Variants in TMTC1 observed in about 807,000 individuals in gnomAD.
TMTC1 encodes the protein transmembrane O-mannosyltransferase targeting cadherins 1, also known as protein O-mannosyl-transferase TMTC1.
TMTC1 carries 73 observed loss-of-function variants against 104.8 expected under a neutral mutation model. That is an observed-to-expected ratio of 0.70 (90% confidence interval 0.58 to 0.85). TMTC1 has a LOEUF of 0.85. TMTC1 is among the 40% of genes least tolerant of loss of function. TMTC1 has a pLI of 0.00. For missense variants in TMTC1, 1,035 were observed against 1,096.1 expected (o/e 0.94, Z 0.79); for synonymous variants, 434 against 428.7 (o/e 1.01, Z -0.15).
intron 7 of TMTC1, among the ~76,000 whole-genome samples, chr12:29,601,508 C>T (rs1391211535): frequency 2.0e-5 from 3 of 152,208 alleles, no homozygotes; most frequent in African/African-American, 7.2e-5. Context: ...TTGATCACCA[C>T]ATGAGTTGAG....
chr12:29,629,177 C>T (rs1289370883), intron 6 of TMTC1, among the ~76,000 whole-genome samples: 5 of 151,668 alleles, frequency 3.3e-5, no homozygotes, highest in African/African-American at 4.8e-5. Context: ...AAAAATTAGC[C>T]GGGCGTGGTG....
chr12:29,672,951 T>G (rs908329726), intron 5 of TMTC1, among the ~76,000 whole-genome samples: 14 of 152,306 alleles, frequency 9.2e-5, no homozygotes, highest in African/African-American at 3.1e-4. Context: ...AGCTGACTTT[T>G]CTGGCCCCCA....
At chr12:29,698,809 C>T (rs574326887) in intron 5 of TMTC1, among the ~76,000 whole-genome samples, 1 of 152,080 alleles carries the variant, frequency 6.6e-6, no homozygotes, top group Non-Finnish European at 1.5e-5. Flanking sequence ...GTTACAGATC[C>T]CTGGAGCCCA....
chr12:29,650,728 C>A (rs576478631), intron 5 of TMTC1, among the ~76,000 whole-genome samples: 1 of 152,296 alleles, frequency 6.6e-6, no homozygotes, highest in Non-Finnish European at 1.5e-5. Flanking sequence ...CTTTCACAAA[C>A]AGGTGGGACG....
Position 29,783,487 on chromosome 12 carries a change from G to A in TMTC1, c.265C>T (p.His89Tyr), listed in dbSNP as rs1447167562. The change falls in exon 1 of 18, where the codon CAC (histidine) becomes TAC (tyrosine). Residue 89 changes from histidine (H) to tyrosine (Y), a missense_variant. Transcript: ENST00000539277. The surrounding 1 kb of genome is among the most constrained non-coding windows in gnomAD (Gnocchi z 4.7). ...ACGCAGAGCGGCCGGTAGGACTTGT[G>A]GCTGGTGTTCTCGGCCATGCCCTTG... ...WGKGMAENTS[H>Y]KSYRPLCVLT... 97 of 1,383,926 alleles carry A rather than the reference G, an allele frequency of 7.0e-5. No individual in the cohort carries two copies. The highest frequency in any genetic ancestry group is 8.9e-5 in the Non-Finnish European group (95 of 1,063,636). The allele number at this position is 1,383,926 out of a possible 1,614,324, so 85.7% of individuals were successfully genotyped here. A position where few individuals can be genotyped will look rare whatever the true frequency, so the allele number is the denominator to read the frequency against.
At chr12:29,604,363 A>G in intron 6 of TMTC1, 64 bp from the exon 7 acceptor site, 1 of 1,602,252 alleles carries the variant, frequency 6.2e-7, no homozygotes, top group Non-Finnish European at 8.5e-7. Flanking sequence ...GCAGCATTTA[A>G]CCATCTCCTT....
chr12:29,701,243 C>T (rs1941585420), intron 5 of TMTC1, among the ~76,000 whole-genome samples: 2 of 152,130 alleles, frequency 1.3e-5, no homozygotes, highest in African/African-American at 2.4e-5. Flanking sequence ...ATAAAATGTG[C>T]CACTGAGGCT....
chr12:29,744,424 T>C lies in TMTC1; in HGVS notation c.938+7242A>G, dbSNP rs542867810. On this transcript the variant is annotated intron_variant, in intron 5 of 17. Coordinates refer to ENST00000539277, the MANE Select transcript of TMTC1 (RefSeq NM_001193451.2). ...TAAAATAAAAGAAACTATCAACTGC[T>C]ACCCATAAATTAAAAGGAATTTTTG... is the stretch of plus-strand genomic sequence containing the variant. 2.6e-5 allele frequency among the ~76,000 whole-genome samples: 4 copies of C among 152,336 alleles called. No individual in the cohort carries two copies. In the South Asian group the frequency reaches 8.3e-4, roughly 32 times the overall value.
In TMTC1 at chr12:29,775,044, G is replaced by C. The variant is rs185039953; in HGVS notation, c.303-6969C>G. 5.3e-3 allele frequency among the ~76,000 whole-genome samples: 805 copies of C among 152,148 alleles called. 8 individuals are homozygous for C. Among genetic ancestry groups the C allele is most frequent in the African/African-American group, 0.018 (741 of 41,500 alleles). On this transcript the variant is annotated intron_variant, in intron 1 of 17. Transcript: ENST00000539277. ...TACTAGAGTAATAGTACAGTTATTA[G>C]AGTAATAACTGTACTAAAGAAAGGG... is the stretch of plus-strand genomic sequence containing the variant.
intron 11 of TMTC1, among the ~76,000 whole-genome samples, chr12:29,525,609 A>G (rs1944321254): frequency 6.6e-6 from 1 of 151,772 alleles, no homozygotes; most frequent in Non-Finnish European, 1.5e-5. Context: ...AATCTAGCGA[A>G]AGTATACTTT....
At chr12:29,668,682 A>G (rs1415249955) in intron 5 of TMTC1, among the ~76,000 whole-genome samples, 1 of 152,020 alleles carries the variant, frequency 6.6e-6, no homozygotes, top group Non-Finnish European at 1.5e-5. Context: ...GCTGGTCTTG[A>G]ACTCCTGACC....
rs74898288 is a variant in TMTC1 at position 29,712,927 on chromosome 12, C to T, written c.938+38739G>A. On this transcript the variant is annotated intron_variant, in intron 5 of 17. Transcript: ENST00000539277. ...TTTATGTGCCAATTTGTCTAGGCTA[C>T]GGTGTTCAGTTGTTTGTTCAAACAC... is the stretch of plus-strand genomic sequence containing the variant. Among the ~76,000 whole-genome samples, 67 of 152,212 alleles carry T rather than the reference C, an allele frequency of 4.4e-4. No individual in the cohort carries two copies. The East Asian group carries it at 8.9e-3, about 20-fold the overall frequency.
At chr12:29,536,967 T>C (rs1354978927) in intron 10 of TMTC1, among the ~76,000 whole-genome samples, 3 of 152,196 alleles carry the variant, frequency 2.0e-5, no homozygotes, top group Non-Finnish European at 2.9e-5. Flanking sequence ...GACACTTCCT[T>C]TTAAAGAGGA....
At chr12:29,731,278 T>C (rs1942537989) in intron 5 of TMTC1, among the ~76,000 whole-genome samples, 1 of 152,184 alleles carries the variant, frequency 6.6e-6, no homozygotes, top group Non-Finnish European at 1.5e-5. Flanking sequence ...TACCTCAGCC[T>C]CCAGAGGAGC....
intron 2 of TMTC1, among the ~76,000 whole-genome samples, 189 bp downstream of exon 2, chr12:29,767,707 AAT>A (rs983980925): frequency 1.1e-4 from 6 of 56,842 alleles, no homozygotes; most frequent in African/African-American, 2.9e-4. Context: ...TAAACACTTT[AAT>A]AGAGTGAACT....
chr12:29,562,305 A>T lies in TMTC1; in HGVS notation c.1533-5305T>A, dbSNP rs569249012. On this transcript the variant is annotated intron_variant, in intron 9 of 17. Transcript: ENST00000539277. ...TGTGACGCACTCTTCAAGAGGGGCCAGCTAAATTATCTGACCTTGCACAAT... is the reference window on the plus strand; with the variant it reads ...TGTGACGCACTCTTCAAGAGGGGCCTGCTAAATTATCTGACCTTGCACAAT... Among the ~76,000 whole-genome samples, 5 of 152,326 alleles carry T rather than the reference A, an allele frequency of 3.3e-5. No individual in the cohort carries two copies. The South Asian group carries it at 1.0e-3, about 32-fold the overall frequency.
rs1261627222 is a variant in TMTC1 at position 29,758,638 on chromosome 12, A to G, written c.554+66T>C. ...CAGAAGCTTCTCTCCTCTCAGGCACATGCTCCCAGTCTACACACACGGCAC... is the reference window on the plus strand; with the variant it reads ...CAGAAGCTTCTCTCCTCTCAGGCACGTGCTCCCAGTCTACACACACGGCAC... On this transcript the variant is annotated intron_variant, in intron 3 of 17. Transcript: ENST00000539277. 4.1e-6 allele frequency: 6 copies of G among 1,472,958 alleles called. No homozygotes were observed. In the African/African-American group the frequency reaches 5.5e-5, roughly 14 times the overall value. 91.2% of individuals were successfully genotyped at this position (1,472,958 alleles called of 1,614,324 possible). A position where few individuals can be genotyped will look rare whatever the true frequency, so the allele number is the denominator to read the frequency against.
In TMTC1 at chr12:29,633,326, A is replaced by G. The variant is rs151284150; in HGVS notation, c.949T>C (p.Tyr317His). 1.9e-6 allele frequency: 3 copies of G among 1,606,838 alleles called. No homozygotes were observed. The highest frequency in any genetic ancestry group is 2.6e-6 in the Non-Finnish European group (3 of 1,175,358). The change falls in exon 6 of 18, where the codon TAT (tyrosine) becomes CAT (histidine). Residue 317 changes from tyrosine (Y) to histidine (H), a missense_variant. By Grantham distance (83) the Tyr-to-His change is moderately conservative. Transcript: ENST00000539277. ...ACATTGAAGGCCAAGAGGTAGGAAT[A>G]GGTGAGGAATCTATAAAGAGAAGAA... is the stretch of plus-strand genomic sequence containing the variant. ...AVWSMMRFLT[Y>H]SYLLAFNVWL...
At chr12:29,736,125 T>C (rs1942665862) in intron 5 of TMTC1, among the ~76,000 whole-genome samples, 2 of 152,192 alleles carry the variant, frequency 1.3e-5, no homozygotes, top group South Asian at 4.2e-4. Flanking sequence ...GAGATCGTTA[T>C]GGGCTCAGAA....
Sources: gnomAD v4.1 joint callset for allele counts (sites outside exome capture counted in the v4.1 genomes callset) on GRCh38, gnomAD v4.1.1 for gene constraint, Gnocchi (gnomAD v3.1) non-coding constraint, MANE v1.5 for transcripts, NCBI Gene and HGNC (gene_info 2026-07-23, HGNC 2026-07-21) for gene names.